The following DEFB115 variants were observed in gnomAD, a reference collection of about 807,000 sequenced individuals.
DEFB115 encodes defensin beta 115, also known as beta-defensin 115.
Under a neutral mutation model 8.8 loss-of-function variants are expected in DEFB115, and 7 were observed. The observed-to-expected ratio is 0.79, with a 90% CI of 0.45 to 1.49. DEFB115 has a LOEUF of 1.49. Among genes scored for constraint, DEFB115 ranks in the 40% most tolerant of loss-of-function variants. The pLI, the probability that DEFB115 is intolerant of heterozygous loss-of-function variation, is 0.01. For missense variants in DEFB115, 143 were observed against 99.4 expected (o/e 1.44, Z -1.86); for synonymous variants, 62 against 37.6 (o/e 1.65, Z -2.37).
In DEFB115 at chr20:31,259,446, G is replaced by A; in HGVS notation, c.95-14G>A. The A allele has an allele frequency of 2.5e-6, 4 of 1,579,118 alleles. No individual in the cohort carries two copies. Among genetic ancestry groups the A allele is most frequent in the Non-Finnish European group, 3.4e-6 (4 of 1,167,234 alleles). On this transcript the variant is annotated splice_polypyrimidine_tract_variant and intron_variant, in intron 1 of 1. Coordinates refer to ENST00000400552, the MANE Select transcript of DEFB115 (RefSeq NM_001037730.1). ...AATGTATTTATATATTCATGTGTTT[G>A]CTTATTTTGATAGATGGATGGATCA... is the stretch of plus-strand genomic sequence containing the variant.
chr20:31,258,439 T>A (rs1260891217), intron 1 of DEFB115, among the ~76,000 whole-genome samples: 1 of 152,182 alleles, frequency 6.6e-6, no homozygotes, highest in Admixed American at 6.5e-5. Flanking sequence ...AAGTTGATGA[T>A]TTTTAATTCT....
intron 1 of DEFB115, 130 bp downstream of exon 1, chr20:31,257,887 T>A: frequency 1.3e-6 from 1 of 768,946 alleles, no homozygotes; most frequent in Non-Finnish European, 2.1e-6. Flanking sequence ...ATGAAAGGCT[T>A]ATAATGAATA....
At chr20:31,259,431 T>A (rs772527419) in intron 1 of DEFB115, 29 bp from the exon 2 acceptor site, 6 of 1,547,710 alleles carry the variant, frequency 3.9e-6, no homozygotes, top group Non-Finnish European at 5.2e-6. Flanking sequence ...AATGTATTTA[T>A]ATATTCATGT....
chr20:31,259,542 T>TGGG lies in DEFB115; in HGVS notation c.179_181dup (p.Gly60dup). On this transcript the variant is annotated inframe_insertion, in exon 2 of 2. Coordinates refer to ENST00000400552, the MANE Select transcript of DEFB115 (RefSeq NM_001037730.1). ...AAATTGAGAGGAAGAAAGAAAAATGTGGGGAAAAACATATTTGCTGTGTCC... is the reference window on the plus strand; with the variant it reads ...AAATTGAGAGGAAGAAAGAAAAATGTGGGGGGGAAAAACATATTTGCTGTGTCC... The TGGG allele has an allele frequency of 1.2e-6, 2 of 1,612,966 alleles. No individual in the cohort carries two copies. The highest frequency in any genetic ancestry group is 1.7e-6 in the Non-Finnish European group (2 of 1,179,486).
chr20:31,259,527 GAAGA>G lies in DEFB115; in HGVS notation c.169_172del (p.Glu57AsnfsTer?). On this transcript the variant is annotated frameshift_variant, in exon 2 of 2. Coordinates refer to ENST00000400552, the MANE Select transcript of DEFB115 (RefSeq NM_001037730.1). LOFTEE classifies it high-confidence loss of function. ...GGAAATCATGCAAAGAAATTGAGAG[GAAGA>G]AAGAAAAATGTGGGGAAAAACATAT... 6.2e-7 allele frequency: 1 copy of G among 1,613,032 alleles called. No homozygotes were observed. Among genetic ancestry groups the G allele is most frequent in the Non-Finnish European group, 8.5e-7 (1 of 1,179,498 alleles).
rs771102668 is a variant in DEFB115 at position 31,259,502 on chromosome 20, G to A, written c.137G>A (p.Arg46Lys). 5 of 1,612,920 alleles carry A rather than the reference G, an allele frequency of 3.1e-6. No homozygotes were observed. The highest frequency in any genetic ancestry group is 4.2e-6 in the Non-Finnish European group (5 of 1,179,430). The change falls in exon 2 of 2, where the codon AGG (arginine) becomes AAG (lysine). Residue 46 changes from arginine (R) to lysine (K), a missense_variant. Arg to Lys is a conservative substitution (Grantham distance 26). Transcript: ENST00000400552. The part of the protein sequence containing the change: ...RRCYYGTGRC[R>K]KSCKEIERKK... ...TGCTATTATGGAACTGGCAGATGCAGGAAATCATGCAAAGAAATTGAGAGG... is the reference window on the plus strand; with the variant it reads ...TGCTATTATGGAACTGGCAGATGCAAGAAATCATGCAAAGAAATTGAGAGG...
chr20:31,257,705 ACT>A lies in DEFB115; in HGVS notation c.47_48del (p.Ser16CysfsTer37), dbSNP rs763508693. 8.7e-6 allele frequency: 14 copies of A among 1,613,086 alleles called. No homozygotes were observed. Among genetic ancestry groups the A allele is most frequent in the Non-Finnish European group, 1.2e-5 (14 of 1,179,748 alleles). ...TCTCACCCCTCTCAGGAGACATTAA[ACT>A]CTCTGTCCTGGCCTTAGTTGTCCTT... ...HFSPLSGDIK[L>X]SVLALVVLVV... On this transcript the variant is annotated frameshift_variant, in exon 1 of 2. Coordinates refer to ENST00000400552, the MANE Select transcript of DEFB115 (RefSeq NM_001037730.1). LOFTEE classifies it high-confidence loss of function.
intron 1 of DEFB115, among the ~76,000 whole-genome samples, chr20:31,259,181 T>A (rs1983835837): frequency 1.3e-5 from 2 of 152,090 alleles, no homozygotes; most frequent in African/African-American, 4.8e-5. Context: ...AGCATCTAGA[T>A]TTAGAGAGGA....
chr20:31,259,440 GTGTT>G lies in DEFB115; in HGVS notation c.95-17_95-14del, dbSNP rs781280578. The G allele has an allele frequency of 6.4e-7, 1 of 1,573,718 alleles. No homozygotes were observed. Among genetic ancestry groups the G allele is most frequent in the Non-Finnish European group, 8.6e-7 (1 of 1,164,714 alleles). Reference sequence around the variant, plus strand: ...TTTTCAAATGTATTTATATATTCATGTGTTTGCTTATTTTGATAGATGGATGGAT... The same window carrying G: ...TTTTCAAATGTATTTATATATTCATGTGCTTATTTTGATAGATGGATGGAT... On this transcript the variant is annotated splice_polypyrimidine_tract_variant and intron_variant, in intron 1 of 1. Transcript: ENST00000400552.
At chr20:31,259,392 A>G (rs760429146) in intron 1 of DEFB115, 68 bp from the exon 2 acceptor site, 27 of 1,434,020 alleles carry the variant, frequency 1.9e-5, no homozygotes, top group South Asian at 1.6e-5. Flanking sequence ...TATTACCAAC[A>G]TCCTTTCTTT....
intron 1 of DEFB115, 141 bp from the exon 2 acceptor site, chr20:31,259,319 T>A (rs1983839381): frequency 1.2e-6 from 1 of 847,222 alleles, no homozygotes; most frequent in Admixed American, 3.5e-5. Context: ...ATGCACAAAT[T>A]TATAACATTC....
chr20:31,258,653 G>T (rs760101331), intron 1 of DEFB115, among the ~76,000 whole-genome samples: 1 of 152,148 alleles, frequency 6.6e-6, no homozygotes, highest in Non-Finnish European at 1.5e-5. Context: ...AGACATTTTG[G>T]AGAAAGAATC....
intron 1 of DEFB115, among the ~76,000 whole-genome samples, chr20:31,259,042 C>G (rs148428380): frequency 3.9e-5 from 6 of 152,228 alleles, no homozygotes; most frequent in African/African-American, 1.4e-4. Flanking sequence ...TAAACAACCC[C>G]TGGGGCAAGC....
chr20:31,258,285 A>G (rs1983806620), intron 1 of DEFB115, among the ~76,000 whole-genome samples: 1 of 152,202 alleles, frequency 6.6e-6, no homozygotes, highest in South Asian at 2.1e-4. Context: ...GGCTCACAGT[A>G]TGGAGCTGGG....
rs1983797765 is a variant in DEFB115 at position 31,257,876 on chromosome 20, G to A, written c.94+119G>A. On this transcript the variant is annotated intron_variant, in intron 1 of 1. Coordinates refer to ENST00000400552, the MANE Select transcript of DEFB115 (RefSeq NM_001037730.1). Reference sequence around the variant, plus strand: ...GAGCCCACAGGGATGGCTGAGATCTGATGAAAGGCTTATAATGAATATGCT... The same window carrying A: ...GAGCCCACAGGGATGGCTGAGATCTAATGAAAGGCTTATAATGAATATGCT... The A allele has an allele frequency of 3.5e-6, 3 of 856,574 alleles. No homozygotes were observed. In the Admixed American group the frequency reaches 6.7e-5, roughly 19 times the overall value. 53.1% of individuals were successfully genotyped at this position (856,574 alleles called of 1,614,324 possible). A position where few individuals can be genotyped will look rare whatever the true frequency, so the allele number is the denominator to read the frequency against.
intron 1 of DEFB115, among the ~76,000 whole-genome samples, chr20:31,258,300 C>G (rs2046980538): frequency 6.6e-6 from 1 of 152,174 alleles, no homozygotes; most frequent in Admixed American, 6.5e-5. Flanking sequence ...GCTGGGGTTA[C>G]AGCAGAAGAT....
chr20:31,258,448 C>A (rs1259681773), intron 1 of DEFB115, among the ~76,000 whole-genome samples: 1 of 152,184 alleles, frequency 6.6e-6, no homozygotes, highest in African/African-American at 2.4e-5. Flanking sequence ...ATTTTTAATT[C>A]TGTGATTTCC....
Position 31,259,623 on chromosome 20 carries a change from A to G in DEFB115, c.258A>G (p.Leu86=), listed in dbSNP as rs773175537. Residue 86 remains leucine (L), a synonymous_variant, in exon 2 of 2, where the codon CTA becomes CTG. Coordinates refer to ENST00000400552, the MANE Select transcript of DEFB115 (RefSeq NM_001037730.1). ...ACGACCAAAAAGAGACAAGTGAGCT[A>G]TATATCTAGTTGCGACTCCTAATTC... ...HIHDQKETSE[L]YI The G allele has an allele frequency of 1.9e-6, 3 of 1,596,772 alleles. No homozygotes were observed. The highest frequency in any genetic ancestry group is 1.7e-6 in the Non-Finnish European group (2 of 1,173,192).
Position 31,257,815 on chromosome 20 carries a change from A to T in DEFB115, c.94+58A>T, listed in dbSNP as rs950260185. ...AGTAAGGATGGGGTCCTAACCACAG[A>T]ATCACTGGAAAATTGAACATGTGTA... is the stretch of plus-strand genomic sequence containing the variant. On this transcript the variant is annotated intron_variant, in intron 1 of 1. Coordinates refer to ENST00000400552, the MANE Select transcript of DEFB115 (RefSeq NM_001037730.1). 15 of 1,458,004 alleles carry T rather than the reference A, an allele frequency of 1.0e-5. 1 individual carries two copies. Among genetic ancestry groups the T allele is most frequent in the Admixed American group, 3.4e-5 (2 of 59,064 alleles). The allele number at this position is 1,458,004 out of a possible 1,614,324, so 90.3% of individuals were successfully genotyped here.
Sources: gnomAD v4.1 joint callset for allele counts (sites outside exome capture counted in the v4.1 genomes callset) on GRCh38, gnomAD v4.1.1 for gene constraint, MANE v1.5 for transcripts, NCBI Gene and HGNC (gene_info 2026-07-23, HGNC 2026-07-21) for gene names.